NID1: variants seen among roughly 807,000 people sequenced by gnomAD.
NID1 encodes the protein nidogen-1.
NID1 carries 76 observed loss-of-function variants against 130.6 expected under a neutral mutation model. That is an observed-to-expected ratio of 0.58 (90% confidence interval 0.48 to 0.70). The LOEUF (loss-of-function observed/expected upper bound fraction) is 0.70, where lower values mean the gene tolerates loss of function less well. NID1 is among the 30% of genes least tolerant of loss of function. NID1 has a pLI of 0.00. For synonymous variants in NID1, 665 were observed against 675.1 expected (o/e 0.98, Z 0.23); for missense variants, 1,517 against 1,664.8 (o/e 0.91, Z 1.54).
At chr1:236,035,305 C>T (rs1659223674) in intron 5 of NID1, among the ~76,000 whole-genome samples, 1 of 96,646 alleles carries the variant, frequency 1.0e-5, no homozygotes, top group Admixed American at 1.2e-4. Flanking sequence ...CATCCATGTC[C>T]CTACAAAGGA....
intron 4 of NID1, among the ~76,000 whole-genome samples, chr1:236,038,582 C>A (rs1659330958): frequency 6.6e-6 from 1 of 151,838 alleles, no homozygotes; most frequent in African/African-American, 2.4e-5. Flanking sequence ...CAATAGCAAT[C>A]TCAGGATGGT....
chr1:236,021,605 C>T (rs923126709), intron 9 of NID1, among the ~76,000 whole-genome samples: 7 of 152,154 alleles, frequency 4.6e-5, no homozygotes, highest in Non-Finnish European at 8.8e-5. Context: ...TCTGAGACTG[C>T]TGGGCTTGCC....
At chr1:235,993,278 C>A (rs1030360056) in intron 13 of NID1, among the ~76,000 whole-genome samples, 1 of 152,234 alleles carries the variant, frequency 6.6e-6, no homozygotes, top group East Asian at 1.9e-4. Flanking sequence ...CAGGAACATT[C>A]CACCTCCACG....
intron 1 of NID1, among the ~76,000 whole-genome samples, chr1:236,049,263 C>T (rs926592346): frequency 6.6e-6 from 1 of 152,086 alleles, no homozygotes; most frequent in Admixed American, 6.6e-5. Context: ...AATTGGTGTG[C>T]GTACAAACAT....
chr1:236,021,239 C>T (rs1425982184), intron 9 of NID1, among the ~76,000 whole-genome samples: 1 of 152,220 alleles, frequency 6.6e-6, no homozygotes, highest in Non-Finnish European at 1.5e-5. Context: ...TTCAGCCATT[C>T]AAGGCTGTCA....
chr1:236,036,955 G>T (rs1659278376), intron 5 of NID1, among the ~76,000 whole-genome samples: 1 of 152,128 alleles, frequency 6.6e-6, no homozygotes, highest in African/African-American at 2.4e-5. Flanking sequence ...AAGTGACTAA[G>T]ACCGCATCTG....
intron 1 of NID1, among the ~76,000 whole-genome samples, chr1:236,060,508 T>G (rs532897117): frequency 6.6e-6 from 1 of 152,256 alleles, no homozygotes; most frequent in African/African-American, 2.4e-5. Context: ...CCAGCGCCTG[T>G]TCAAGATGGA....
chr1:235,985,486 A>G lies in NID1; in HGVS notation c.2948T>C (p.Leu983Pro). 1 of 1,614,182 alleles carries G rather than the reference A, an allele frequency of 6.2e-7. No homozygotes were observed. Among genetic ancestry groups the G allele is most frequent in the East Asian group, 2.2e-5 (1 of 44,884 alleles). The change falls in exon 15 of 20, where the codon CTG becomes CCG. Residue 983 changes from leucine to proline, a missense_variant. Around this residue, in one of 3 missense-constraint regions of NID1, gnomAD observed 1,329 missense variants for 1,429.2 expected, o/e 0.93. Transcript: ENST00000264187. ...LHVPAKVIIGLAFDCVDKMVY... is the reference protein window; with the variant it reads ...LHVPAKVIIGPAFDCVDKMVY... ...CATCTTGTCCACGCAGTCAAAGGCC[A>G]GTCCAATGATGACTTTAGCCTGGAT...
chr1:236,062,744 A>G (rs1660075648), intron 1 of NID1, among the ~76,000 whole-genome samples: 1 of 152,120 alleles, frequency 6.6e-6, no homozygotes, highest in African/African-American at 2.4e-5. Flanking sequence ...AGATATTTTC[A>G]TATCACATCA....
In NID1 at chr1:236,026,007, G is replaced by A. The variant is rs1333005039; in HGVS notation, c.1873C>T (p.Pro625Ser). ...FQECVHDDSRPALPSTQQLSV... is the reference protein window; with the variant it reads ...FQECVHDDSRSALPSTQQLSV... ...AGCTGCTGGGTGCTGGGCAGGGCTGGCCGGGAGTCATCGTGGACGCATTCC... is the reference window on the plus strand; with the variant it reads ...AGCTGCTGGGTGCTGGGCAGGGCTGACCGGGAGTCATCGTGGACGCATTCC... Residue 625 changes from proline to serine, a missense_variant, in exon 8 of 20, where the codon CCA (proline) becomes TCA (serine). This residue lies in a region of NID1 where 1,329 missense variants were observed against 1,429.2 expected (regional missense o/e 0.93). Transcript: ENST00000264187. The A allele has an allele frequency of 3.7e-6, 6 of 1,613,674 alleles. No individual in the cohort carries two copies. The highest frequency in any genetic ancestry group is 3.4e-6 in the Non-Finnish European group (4 of 1,179,958).
At chr1:236,013,146 G>A (rs571084964) in intron 11 of NID1, among the ~76,000 whole-genome samples, 1 of 152,236 alleles carries the variant, frequency 6.6e-6, no homozygotes, top group Non-Finnish European at 1.5e-5. Flanking sequence ...AATATCCCTG[G>A]TTCCTAGCAG....
chr1:236,009,145 G>A (rs1658334716), intron 12 of NID1, among the ~76,000 whole-genome samples: 2 of 152,300 alleles, frequency 1.3e-5, no homozygotes, highest in South Asian at 4.1e-4. Context: ...TGATGGCATT[G>A]GGGGTGAGGC....
At position 236,032,597 on chromosome 1, in the gene NID1, G is replaced by T; in HGVS notation, c.1341C>A (p.Ser447Arg). ...KVKGRIFVGSSQVPIVFENTD... is the reference protein window; with the variant it reads ...KVKGRIFVGSRQVPIVFENTD... Reference sequence around the variant, plus strand: ...TGTTCTCAAAGACAATGGGGACCTGGCTGCTCCCCACAAAGATCCTTCCTT... The same window carrying T: ...TGTTCTCAAAGACAATGGGGACCTGTCTGCTCCCCACAAAGATCCTTCCTT... The change falls in exon 6 of 20, where the codon AGC becomes AGA. Residue 447 changes from serine to arginine, a missense_variant. Physicochemically the swap from Ser to Arg is moderately radical, Grantham distance 110 (BLOSUM62 -1). This residue lies in a region of NID1 where 1,329 missense variants were observed against 1,429.2 expected (regional missense o/e 0.93). Transcript: ENST00000264187. The T allele has an allele frequency of 2.5e-6, 4 of 1,614,100 alleles. No homozygotes were observed. Among genetic ancestry groups the T allele is most frequent in the Non-Finnish European group, 3.4e-6 (4 of 1,180,014 alleles).
chr1:236,013,534 A>G lies in NID1; in HGVS notation c.2281T>C (p.Tyr761His), dbSNP rs914483338. Residue 761 changes from tyrosine (Y) to histidine (H), a missense_variant, in exon 11 of 20, where the codon TAC becomes CAC. Transcript: ENST00000264187. ...VAVVDQRPINYCETGLHNCDI... is the reference protein window; with the variant it reads ...VAVVDQRPINHCETGLHNCDI... ...CAGTTATGAAGGCCAGTTTCACAGT[A>G]GTTGATGGGGCGCTGGTCCACGACA... 6.2e-6 allele frequency: 10 copies of G among 1,614,122 alleles called. No individual in the cohort carries two copies. Among genetic ancestry groups the G allele is most frequent in the Non-Finnish European group, 8.5e-6 (10 of 1,180,004 alleles).
chr1:235,979,828 C>T lies in NID1; in HGVS notation c.3503G>A (p.Trp1168Ter). ...SYGKNLYFTDWKMNSVVALDL... is the reference protein window; with the variant it reads ...SYGKNLYFTD The stretch of plus-strand genomic sequence containing the variant: ...ATGGCTACAGCTGACGTACATCTTC[C>T]AGTCTGTGAAATACAGATTCTTCCC... The change falls in exon 18 of 20, where the codon TGG (tryptophan) becomes TAG (stop). Residue 1168 changes from tryptophan to a stop codon, truncating the protein, a stop_gained. Transcript: ENST00000264187. LOFTEE classifies it high-confidence loss of function. This position sits in a 1 kb window ranked among gnomAD's most constrained non-coding sequence, Gnocchi z 4.6. 6.2e-7 allele frequency: 1 copy of T among 1,613,860 alleles called. No individual in the cohort carries two copies. Among genetic ancestry groups the T allele is most frequent in the Non-Finnish European group, 8.5e-7 (1 of 1,179,824 alleles).
intron 12 of NID1, 119 bp from the exon 13 acceptor site, chr1:235,993,991 T>C (rs950678957): frequency 3.8e-6 from 3 of 790,760 alleles, no homozygotes; most frequent in Non-Finnish European, 6.0e-6. Context: ...TGTGTGTCAC[T>C]GGGTTTTGTT....
chr1:235,992,203 G>C (rs1348649205), intron 13 of NID1, among the ~76,000 whole-genome samples: 1 of 152,164 alleles, frequency 6.6e-6, no homozygotes, highest in African/African-American at 2.4e-5. Context: ...GTGAGAGCTG[G>C]ACAAGGTTGT....
chr1:236,005,645 A>T (rs1454538796), intron 12 of NID1, among the ~76,000 whole-genome samples: 1 of 152,192 alleles, frequency 6.6e-6, no homozygotes, highest in Non-Finnish European at 1.5e-5. Context: ...TCTTTAAACT[A>T]CTGTTTGATG....
At chr1:236,013,934 T>C (rs1278699224) in intron 10 of NID1, among the ~76,000 whole-genome samples, 1 of 152,214 alleles carries the variant, frequency 6.6e-6, no homozygotes, top group East Asian at 1.9e-4. Context: ...GCCACACTTC[T>C]GATGGCAACT....
Sources: gnomAD v4.1 joint callset for allele counts (sites outside exome capture counted in the v4.1 genomes callset) on GRCh38, gnomAD v4.1.1 for gene constraint, gnomAD v4.1.1 regional missense constraint, Gnocchi (gnomAD v3.1) non-coding constraint, MANE v1.5 for transcripts, NCBI Gene and HGNC (gene_info 2026-07-23, HGNC 2026-07-21) for gene names.